Variants in IL31RA observed in about 807,000 individuals in gnomAD.
The protein encoded by IL31RA is interleukin-31 receptor subunit alpha.
IL31RA carries 66 observed loss-of-function variants against 83.7 expected under a neutral mutation model. The ratio of observed to expected loss-of-function variants is 0.79; its 90% confidence interval spans 0.65 to 0.97. The LOEUF is 0.97. Among genes scored for constraint, IL31RA ranks in the 50% least tolerant of loss-of-function variants. The probability of loss-of-function intolerance (pLI) is 0.00; values close to 1 mark genes in which losing one functional copy is unlikely to be tolerated. For missense variants in IL31RA, 798 were observed against 919.4 expected (o/e 0.87, Z 1.71); for synonymous variants, 325 against 329.0 (o/e 0.99, Z 0.13).
Position 55,859,590 on chromosome 5 carries a change from A to T in IL31RA, c.145A>T (p.Ser49Cys). Residue 49 changes from serine to cysteine, a missense_variant, in exon 2 of 15, where the codon AGC becomes TGC. By Grantham distance (112) the Ser-to-Cys change is moderately radical. Transcript: ENST00000652347. ...GATGCTCCCCTCACTCTGCAAATTC[A>T]GCCTGGCAGGTAGGTTGACCTGGGC... is the stretch of plus-strand genomic sequence containing the variant. Reference protein sequence around the residue: ...LWMLPSLCKFSLAALPAKPEN... With the variant: ...LWMLPSLCKFCLAALPAKPEN... The T allele has an allele frequency of 6.2e-7, 1 of 1,609,778 alleles. No individual in the cohort carries two copies. Among genetic ancestry groups the T allele is most frequent in the African/African-American group, 1.3e-5 (1 of 74,940 alleles).
rs552633830 is a variant in IL31RA at position 55,908,688 on chromosome 5, T to A, written c.1501+277T>A. 2.0e-5 allele frequency: 29 copies of A among 1,476,916 alleles called. 1 individual carries two copies. In the South Asian group the frequency reaches 3.5e-4, roughly 18 times the overall value. The allele number at this position is 1,476,916 out of a possible 1,614,324, so 91.5% of individuals were successfully genotyped here. A position where few individuals can be genotyped will look rare whatever the true frequency, so the allele number is the denominator to read the frequency against. ...GTCCTGGTTAGGCCCTGAATTGACC[T>A]CCCGGGAGCTCCCCGACCATCATTC... is the stretch of plus-strand genomic sequence containing the variant. On this transcript the variant is annotated intron_variant, in intron 11 of 14. Coordinates refer to ENST00000652347, the MANE Select transcript of IL31RA (RefSeq NM_139017.7).
chr5:55,867,137 ATGTGTGTGTGCATG>A (rs1561542945), intron 2 of IL31RA, among the ~76,000 whole-genome samples: 1 of 85,826 alleles, frequency 1.2e-5, no homozygotes, highest in South Asian at 3.7e-4. Flanking sequence ...GTGTGTGTGC[ATGTGTGTGTGCATG>A]TGTGTTTGTG....
rs1051625083 is a variant in IL31RA, at chr5:55,851,673, A to T, written c.63+40A>T. Reference sequence around the variant, plus strand: ...GGGGGGTTACAAATAATTCCTAGCAAGTAGGTGAATTCACAAATAAGGAAG... The same window carrying T: ...GGGGGGTTACAAATAATTCCTAGCATGTAGGTGAATTCACAAATAAGGAAG... On this transcript the variant is annotated intron_variant, in intron 1 of 14. Coordinates refer to ENST00000652347, the MANE Select transcript of IL31RA (RefSeq NM_139017.7). 3.7e-6 allele frequency: 6 copies of T among 1,613,630 alleles called. No individual in the cohort carries two copies. In the African/African-American group the frequency reaches 8.0e-5, roughly 22 times the overall value.
chr5:55,908,850 G>A lies in IL31RA; in HGVS notation c.1501+439G>A, dbSNP rs1749328066. On this transcript the variant is annotated intron_variant, in intron 11 of 14. Transcript: ENST00000652347. Reference sequence around the variant, plus strand: ...ACATCTTAAATACTGGGCAAGGCTTGGATTCTTGCTTAGGCTAAATAATTT... The same window carrying A: ...ACATCTTAAATACTGGGCAAGGCTTAGATTCTTGCTTAGGCTAAATAATTT... 4 of 1,342,230 alleles carry A rather than the reference G, an allele frequency of 3.0e-6. No homozygotes were observed. In the East Asian group the frequency reaches 8.0e-5, roughly 27 times the overall value. 83.1% of individuals were successfully genotyped at this position (1,342,230 alleles called of 1,614,324 possible). A position where few individuals can be genotyped will look rare whatever the true frequency, so the allele number is the denominator to read the frequency against.
Position 55,922,136 on chromosome 5 carries a change from T to C in IL31RA, c.*5016T>C, listed in dbSNP as rs1330646736. Among the ~76,000 whole-genome samples, 1 of 144,410 alleles carries C rather than the reference T, an allele frequency of 6.9e-6. No individual in the cohort carries two copies. Among genetic ancestry groups the C allele is most frequent in the Admixed American group, 7.3e-5 (1 of 13,754 alleles). The allele number at this position is 144,410 out of a possible 152,430, so 94.7% of individuals were successfully genotyped here. ...CATTTCCTTTGGACACTGGGGTCAG[T>C]GGGGAGAGAGTTTGCTCCGAAGCAC... On this transcript the variant is annotated 3_prime_UTR_variant, in exon 15 of 15. Coordinates refer to ENST00000652347, the MANE Select transcript of IL31RA (RefSeq NM_139017.7).
intron 2 of IL31RA, among the ~76,000 whole-genome samples, chr5:55,867,221 T>G (rs1427438447): frequency 0.024 from 1,809 of 74,668 alleles, 73 homozygotes; most frequent in African/African-American, 0.1. Flanking sequence ...GCATGTGTGT[T>G]TGTGTGTGTG....
chr5:55,847,789 T>C (rs965195466), upstream of IL31RA, among the ~76,000 whole-genome samples: 2 of 152,238 alleles, frequency 1.3e-5, no homozygotes, highest in African/African-American at 4.8e-5. Flanking sequence ...CAGGATCCAA[T>C]GCAAGCTACC....
chr5:55,884,402 T>G (rs1365197715), intron 5 of IL31RA, among the ~76,000 whole-genome samples: 1 of 152,186 alleles, frequency 6.6e-6, no homozygotes, highest in Non-Finnish European at 1.5e-5. Context: ...CAGCCTGAAA[T>G]TGTATCACCT....
chr5:55,913,572 T>G lies in IL31RA; in HGVS notation c.1736+2T>G. 1.3e-6 allele frequency: 2 copies of G among 1,594,800 alleles called. No homozygotes were observed. Among genetic ancestry groups the G allele is most frequent in the Non-Finnish European group, 8.6e-7 (1 of 1,162,314 alleles). On this transcript the variant is annotated splice_donor_variant, in intron 13 of 14. Transcript: ENST00000652347. LOFTEE classifies it high-confidence loss of function. The stretch of plus-strand genomic sequence containing the variant: ...GGCATATGGTCTCAAAAAACCCAAG[T>G]GAGTCTGCAGACAACAGTGGGTGCC...
chr5:55,850,288 C>A (rs1257469669), upstream of IL31RA, among the ~76,000 whole-genome samples: 2 of 151,954 alleles, frequency 1.3e-5, no homozygotes, highest in African/African-American at 4.8e-5. Flanking sequence ...TTTATTGTAT[C>A]ACTTCTCTCA....
chr5:55,869,615 G>T (rs1453495603), intron 3 of IL31RA, among the ~76,000 whole-genome samples: 1 of 151,932 alleles, frequency 6.6e-6, no homozygotes, highest in African/African-American at 2.4e-5. Flanking sequence ...CTGGAATTAT[G>T]GGTGCACACC....
intron 11 of IL31RA, chr5:55,908,923 TG>T: frequency 2.5e-6 from 3 of 1,199,412 alleles, no homozygotes; most frequent in Non-Finnish European, 2.1e-6. Context: ...TTTAAACATT[TG>T]AAAGTGTACA....
chr5:55,865,780 G>A (rs1208973058), intron 2 of IL31RA, among the ~76,000 whole-genome samples: 3 of 152,176 alleles, frequency 2.0e-5, no homozygotes, highest in Non-Finnish European at 2.9e-5. Context: ...ATTTGTTAAC[G>A]TTGTGTCATT....
At chr5:55,840,525 A>T in the IL31RA span, among the ~76,000 whole-genome samples, 1 of 152,238 alleles carries the variant, frequency 6.6e-6, no homozygotes, top group African/African-American at 2.4e-5. Context: ...TTACATTCTG[A>T]TGATTGACTT....
chr5:55,853,436 A>G (rs1185848074), intron 1 of IL31RA: 1 of 1,521,514 alleles, frequency 6.6e-7, no homozygotes, highest in Non-Finnish European at 8.8e-7. Flanking sequence ...ACACTCCCAC[A>G]TCTTAGTGTG....
At chr5:55,893,014 C>T (rs1028780786) in intron 6 of IL31RA, among the ~76,000 whole-genome samples, 11 of 152,116 alleles carry the variant, frequency 7.2e-5, no homozygotes, top group Non-Finnish European at 4.4e-5. Flanking sequence ...AATGAAATGC[C>T]ATTTGTTTAA....
At chr5:55,893,177 C>T (rs191123379) in intron 6 of IL31RA, among the ~76,000 whole-genome samples, 1 of 152,320 alleles carries the variant, frequency 6.6e-6, no homozygotes, top group Admixed American at 6.5e-5. Flanking sequence ...CTACATGATA[C>T]AGAAATAATT....
chr5:55,860,947 A>T (rs1745639005), intron 2 of IL31RA, among the ~76,000 whole-genome samples: 1 of 152,126 alleles, frequency 6.6e-6, no homozygotes, highest in Non-Finnish European at 1.5e-5. Context: ...GCCTCTTCAC[A>T]TGGTCATCCC....
At chr5:55,896,468 C>T (rs1748345121) in intron 7 of IL31RA, 39 bp downstream of exon 7, 2 of 1,361,358 alleles carry the variant, frequency 1.5e-6, no homozygotes, top group East Asian at 2.3e-5. Context: ...CTCTTTCTTC[C>T]CCTTCCCTCC....
Sources: gnomAD v4.1 joint callset for allele counts (sites outside exome capture counted in the v4.1 genomes callset) on GRCh38, gnomAD v4.1.1 for gene constraint, MANE v1.5 for transcripts, NCBI Gene and HGNC (gene_info 2026-07-23, HGNC 2026-07-21) for gene names.